The following SLIT1 variants were observed in gnomAD, a reference collection of about 807,000 sequenced individuals.
SLIT1 encodes the protein slit homolog 1 protein.
In SLIT1, 66 loss-of-function variants were observed where a neutral mutation model predicts 186.1. The observed-to-expected ratio is 0.35, with a 90% CI of 0.29 to 0.44. SLIT1 has a LOEUF of 0.44. Ranked by LOEUF, SLIT1 falls within the 20% of genes least tolerant of loss-of-function variation. SLIT1 has a pLI of 1.00. For synonymous variants in SLIT1, 761 were observed against 833.8 expected (o/e 0.91, Z 1.50); for missense variants, 1,638 against 2,037.4 (o/e 0.80, Z 3.77).
chr10:97,027,888 C>T (rs1044201183), intron 25 of SLIT1, among the ~76,000 whole-genome samples: 92 of 152,204 alleles, frequency 6.0e-4, no homozygotes, highest in Non-Finnish European at 5.1e-4. Flanking sequence ...CACAGTTGAA[C>T]CCCGAGTACA....
intron 13 of SLIT1, among the ~76,000 whole-genome samples, chr10:97,052,044 C>T (rs1848792371): frequency 6.6e-6 from 1 of 150,558 alleles, no homozygotes; most frequent in Non-Finnish European, 1.5e-5. Flanking sequence ...AAACGTTATG[C>T]TAAAGAAATA....
intron 4 of SLIT1, among the ~76,000 whole-genome samples, chr10:97,090,530 C>T (rs1238647158): frequency 1.3e-5 from 2 of 152,128 alleles, no homozygotes; most frequent in Non-Finnish European, 2.9e-5. Context: ...AGCAGGAGAG[C>T]AGCAGGGTCT....
Position 97,064,845 on chromosome 10 carries a change from C to T in SLIT1, c.517G>A (p.Glu173Lys). 6.2e-7 allele frequency: 1 copy of T among 1,612,366 alleles called. No homozygotes were observed. Among genetic ancestry groups the T allele is most frequent in the Non-Finnish European group, 8.5e-7 (1 of 1,179,266 alleles). Residue 173 changes from glutamate to lysine, a missense_variant, in exon 6 of 37, where the codon GAG (glutamate) becomes AAG (lysine). Physicochemically the swap from Glu to Lys is moderately conservative, Grantham distance 56 (BLOSUM62 1). Coordinates refer to ENST00000266058, the MANE Select transcript of SLIT1 (RefSeq NM_003061.3). ...QLDKNQISCIEEGAFRALRGL... is the reference protein window; with the variant it reads ...QLDKNQISCIKEGAFRALRGL... ...CGCAGAGCACGGAAGGCCCCTTCCT[C>T]AATGCAGCTGATCTGGTTCTTGTCC...
intron 29 of SLIT1, 34 bp downstream of exon 29, chr10:97,013,985 C>A: frequency 1.2e-6 from 2 of 1,607,734 alleles, no homozygotes; most frequent in Non-Finnish European, 1.7e-6. Flanking sequence ...CTGTTCCCCA[C>A]CTCCCCCAGA....
At chr10:97,009,804 T>A (rs1436575359) in intron 31 of SLIT1, among the ~76,000 whole-genome samples, 1 of 152,186 alleles carries the variant, frequency 6.6e-6, no homozygotes, top group Non-Finnish European at 1.5e-5. Context: ...TACCTTAATT[T>A]GAAAATGAGC....
intron 4 of SLIT1, among the ~76,000 whole-genome samples, chr10:97,072,732 T>C (rs1469059324): frequency 6.6e-6 from 1 of 152,166 alleles, no homozygotes; most frequent in Admixed American, 6.5e-5. Context: ...AAATGCAGCC[T>C]GATGGCAGCA....
At chr10:97,115,195 G>T (rs1849498233) in intron 4 of SLIT1, among the ~76,000 whole-genome samples, 1 of 152,240 alleles carries the variant, frequency 6.6e-6, no homozygotes, top group South Asian at 2.1e-4. Context: ...TTCCCCGTAA[G>T]GTTGGTTTAG....
chr10:97,073,339 C>T (rs927842039), intron 4 of SLIT1, among the ~76,000 whole-genome samples: 4 of 152,190 alleles, frequency 2.6e-5, no homozygotes, highest in Admixed American at 2.0e-4. Context: ...CCTTGTCAAA[C>T]GCCCTGAAGT....
intron 14 of SLIT1, among the ~76,000 whole-genome samples, chr10:97,048,682 CA>C (rs1848757872): frequency 1.3e-5 from 2 of 152,182 alleles, no homozygotes; most frequent in South Asian, 4.1e-4. Flanking sequence ...CAGGAAACAT[CA>C]GGGGGTCCCT....
At chr10:97,051,261 CA>C (rs5787214) in intron 13 of SLIT1, among the ~76,000 whole-genome samples, 100,875 of 147,876 alleles carry the variant, frequency 0.68, 36,071 homozygotes, top group East Asian at 0.88. Flanking sequence ...AATCAAAATG[CA>C]AAAAAAAAAA....
chr10:97,064,988 T>C (rs1380207892), intron 5 of SLIT1, 112 bp from the exon 6 acceptor site: 1 of 697,434 alleles, frequency 1.4e-6, no homozygotes, highest in African/African-American at 1.8e-5. Flanking sequence ...CCCTAGCCGT[T>C]TGTTATGTGT....
intron 4 of SLIT1, among the ~76,000 whole-genome samples, chr10:97,149,832 A>G (rs192863566): frequency 1.2e-3 from 183 of 152,300 alleles, no homozygotes; most frequent in Non-Finnish European, 1.7e-3. Context: ...TATTCCCCGA[A>G]AAAATAAATT....
Position 97,004,566 on chromosome 10 carries a change from G to A in SLIT1, c.3710+127C>T. On this transcript the variant is annotated intron_variant, in intron 33 of 36. Transcript: ENST00000266058. The surrounding 1 kb of genome is among the most constrained non-coding windows in gnomAD (Gnocchi z 5.1). ...GCTGGGGCTAACCCAGATGGTTCAA[G>A]TGTCCTTCAAACTCAGGCAGCCCAG... 1.7e-6 allele frequency: 2 copies of A among 1,148,638 alleles called. No homozygotes were observed. Among genetic ancestry groups the A allele is most frequent in the South Asian group, 1.4e-5 (1 of 71,840 alleles). 71.2% of individuals were successfully genotyped at this position (1,148,638 alleles called of 1,614,324 possible). A position where few individuals can be genotyped will look rare whatever the true frequency, so the allele number is the denominator to read the frequency against.
chr10:97,024,331 G>A lies in SLIT1; in HGVS notation c.2583-2918C>T, dbSNP rs557162758. ...ACTCCGGCCCCCATGCAGCTGCCCCGTGCCTGGGCGACCTTGAGTGGCTCC... is the reference window on the plus strand; with the variant it reads ...ACTCCGGCCCCCATGCAGCTGCCCCATGCCTGGGCGACCTTGAGTGGCTCC... On this transcript the variant is annotated intron_variant, in intron 25 of 36. Transcript: ENST00000266058. 3.9e-5 allele frequency among the ~76,000 whole-genome samples: 6 copies of A among 152,094 alleles called. No homozygotes were observed. In the East Asian group the frequency reaches 7.8e-4, roughly 20 times the overall value.
chr10:97,142,522 A>G (rs1033743244), intron 4 of SLIT1, among the ~76,000 whole-genome samples: 1 of 152,240 alleles, frequency 6.6e-6, no homozygotes, highest in Admixed American at 6.5e-5. Context: ...AACACCTAAA[A>G]GAAAACATAA....
rs1850083369 is a variant in SLIT1, at chr10:97,164,906, G to A, written c.198-16C>T. On this transcript the variant is annotated splice_polypyrimidine_tract_variant and intron_variant, in intron 1 of 36. Transcript: ENST00000266058. ...ATTGAGTTCCCTGGAGGAAGAAGGA[G>A]AGAAGGAAGCAGTGGGGTGAGCAGG... 6.2e-7 allele frequency: 1 copy of A among 1,607,504 alleles called. No individual in the cohort carries two copies.
At chr10:97,151,474 G>A (rs1190818094) in intron 4 of SLIT1, among the ~76,000 whole-genome samples, 1 of 151,800 alleles carries the variant, frequency 6.6e-6, no homozygotes, top group Non-Finnish European at 1.5e-5. Context: ...GGATGGGTCA[G>A]GAGTAGGGAG....
intron 4 of SLIT1, among the ~76,000 whole-genome samples, chr10:97,116,487 C>T (rs1849511350): frequency 6.6e-6 from 1 of 152,140 alleles, no homozygotes; most frequent in Admixed American, 6.5e-5. Flanking sequence ...ACAGGTCTAG[C>T]CCGGCATCCT....
At chr10:97,169,030 C>T (rs1302006736) in intron 1 of SLIT1, among the ~76,000 whole-genome samples, 5 of 152,180 alleles carry the variant, frequency 3.3e-5, no homozygotes, top group African/African-American at 4.8e-5. Context: ...CCCCACAGTG[C>T]AGGTGCGGAG....
Sources: allele counts gnomAD v4.1 joint callset (sites outside exome capture counted in the v4.1 genomes callset), GRCh38; gene constraint gnomAD v4.1.1; non-coding constraint Gnocchi (gnomAD v3.1); transcripts MANE v1.5; gene names NCBI Gene and HGNC (gene_info 2026-07-23, HGNC 2026-07-21).